ARHGAP24: variants seen among roughly 807,000 people sequenced by gnomAD.
ARHGAP24 encodes rho GTPase-activating protein 24.
ARHGAP24 carries 50 observed loss-of-function variants against 76.4 expected under a neutral mutation model. The observed-to-expected ratio is 0.65, with a 90% confidence interval of 0.52 to 0.83. ARHGAP24 has a LOEUF of 0.83. Among genes scored for constraint, ARHGAP24 ranks in the 40% least tolerant of loss-of-function variants. The pLI, the probability that ARHGAP24 is intolerant of heterozygous loss-of-function variation, is 0.00. For synonymous variants in ARHGAP24, 345 were observed against 323.3 expected, an observed-to-expected ratio of 1.07 and a Z score of -0.72; for missense variants, 930 against 914.2, an observed-to-expected ratio of 1.02 and a Z score of -0.22.
At chr4:85,586,526 TACATCTATCATTTGATAGAAA>T (rs1343104394) in intron 2 of ARHGAP24, among the ~76,000 whole-genome samples, 1 of 152,178 alleles carries the variant, frequency 6.6e-6, no homozygotes, top group Non-Finnish European at 1.5e-5. Flanking sequence ...TCTACGATGT[TACATCTATCATTTGATAGAAA>T]AGGAAGCTGA....
At chr4:85,960,079 T>C (rs1171523484) in intron 5 of ARHGAP24, among the ~76,000 whole-genome samples, 1 of 152,172 alleles carries the variant, frequency 6.6e-6, no homozygotes, top group Non-Finnish European at 1.5e-5. Flanking sequence ...CCAAAATCAA[T>C]CAAGTCCGCA....
At chr4:85,487,945 G>A (rs551757170) in intron 1 of ARHGAP24, among the ~76,000 whole-genome samples, 6 of 139,414 alleles carry the variant, frequency 4.3e-5, no homozygotes, top group Non-Finnish European at 7.5e-5. Context: ...TTGCTCTGTC[G>A]CCCGGGCTGT....
At chr4:85,952,830 C>T (rs1737697416) in intron 5 of ARHGAP24, among the ~76,000 whole-genome samples, 1 of 152,066 alleles carries the variant, frequency 6.6e-6, no homozygotes, top group Non-Finnish European at 1.5e-5. Context: ...AACAAACAAA[C>T]AAAAGAAAAC....
intron 4 of ARHGAP24, among the ~76,000 whole-genome samples, chr4:85,934,074 C>T (rs1037170483): frequency 3.3e-5 from 5 of 152,176 alleles, no homozygotes. Context: ...TCATCCTCAC[C>T]TCTGTGCACC....
intron 3 of ARHGAP24, among the ~76,000 whole-genome samples, chr4:85,763,761 T>C (rs1177605095): frequency 6.6e-6 from 1 of 152,166 alleles, no homozygotes; most frequent in Admixed American, 6.6e-5. Flanking sequence ...ATAATAATGA[T>C]GGAGTAACAG....
chr4:85,793,825 T>C (rs1426602827), intron 3 of ARHGAP24, among the ~76,000 whole-genome samples: 3 of 152,202 alleles, frequency 2.0e-5, no homozygotes. Flanking sequence ...CAGTGCCTTC[T>C]TTTTGATTAT....
chr4:85,493,625 T>C (rs1723445961), intron 1 of ARHGAP24, among the ~76,000 whole-genome samples: 1 of 152,214 alleles, frequency 6.6e-6, no homozygotes, highest in Non-Finnish European at 1.5e-5. Context: ...TTTTGAACAT[T>C]CTTCTTTTCT....
chr4:85,975,229 T>C (rs1357933106), intron 7 of ARHGAP24, among the ~76,000 whole-genome samples: 8 of 152,208 alleles, frequency 5.3e-5, no homozygotes, highest in African/African-American at 1.9e-4. Flanking sequence ...TTGTACTGTT[T>C]CAGAAGTGGT....
intron 3 of ARHGAP24, among the ~76,000 whole-genome samples, chr4:85,868,745 A>G (rs2110187865): frequency 6.6e-6 from 1 of 152,186 alleles, no homozygotes; most frequent in East Asian, 1.9e-4. Context: ...GGGTGTAGTT[A>G]TCTAAGAACT....
intron 3 of ARHGAP24, among the ~76,000 whole-genome samples, chr4:85,840,397 T>C (rs533619190): frequency 6.6e-6 from 1 of 152,290 alleles, no homozygotes; most frequent in South Asian, 2.1e-4. Flanking sequence ...ATAACAGCTA[T>C]GAAGAAGAGA....
chr4:85,755,367 C>T (rs1195852213), intron 3 of ARHGAP24, among the ~76,000 whole-genome samples: 1 of 151,880 alleles, frequency 6.6e-6, no homozygotes, highest in Admixed American at 6.6e-5. Flanking sequence ...GGTTAGACAC[C>T]AGAATTTAGA....
intron 3 of ARHGAP24, among the ~76,000 whole-genome samples, chr4:85,731,791 G>T (rs529077642): frequency 3.9e-5 from 6 of 152,068 alleles, no homozygotes; most frequent in Non-Finnish European, 8.8e-5. Flanking sequence ...TGAGATGGTG[G>T]ATATGCAAAT....
At chr4:85,728,220 TGATCC>T (rs1303557243) in intron 3 of ARHGAP24, among the ~76,000 whole-genome samples, 1 of 134,282 alleles carries the variant, frequency 7.4e-6, no homozygotes, top group Admixed American at 7.8e-5. Flanking sequence ...ATAAATGCAT[TGATCC>T]TTTTGCCAAA....
chr4:85,700,404 A>AT (rs1553923788), intron 2 of ARHGAP24, among the ~76,000 whole-genome samples: 23 of 86,388 alleles, frequency 2.7e-4, no homozygotes, highest in Admixed American at 3.3e-4. Context: ...TAAAAAAAAA[A>AT]AAATAAATAA....
At chr4:85,666,313 C>A (rs926152026) in intron 2 of ARHGAP24, among the ~76,000 whole-genome samples, 13 of 152,164 alleles carry the variant, frequency 8.5e-5, no homozygotes, top group African/African-American at 3.1e-4. Flanking sequence ...CGCATCGGCT[C>A]CTGAGGCTTC....
intron 3 of ARHGAP24, among the ~76,000 whole-genome samples, chr4:85,732,986 C>T (rs901584108): frequency 2.7e-5 from 4 of 150,168 alleles, no homozygotes; most frequent in Non-Finnish European, 5.9e-5. Context: ...GCGTGAGCCA[C>T]CGCGCCCGAC....
At chr4:85,932,494 G>A (rs1454655880) in intron 4 of ARHGAP24, among the ~76,000 whole-genome samples, 1 of 131,408 alleles carries the variant, frequency 7.6e-6, no homozygotes, top group African/African-American at 2.9e-5. Flanking sequence ...GAATCCTTGT[G>A]AACACACTGC....
chr4:85,489,476 C>T (rs1560506391), intron 1 of ARHGAP24, among the ~76,000 whole-genome samples: 1 of 152,152 alleles, frequency 6.6e-6, no homozygotes, highest in Non-Finnish European at 1.5e-5. Context: ...CTTGATGACT[C>T]AGAGGGACTC....
chr4:85,982,373 TTTTTG>T (rs6148555), intron 8 of ARHGAP24, among the ~76,000 whole-genome samples: 45 of 150,298 alleles, frequency 3.0e-4, no homozygotes, highest in African/African-American at 8.9e-4. Context: ...AGATAAGTTG[TTTTTG>T]TTTTGTTTTG....
Sources: gnomAD v4.1 joint callset for allele counts (sites outside exome capture counted in the v4.1 genomes callset) on GRCh38, gnomAD v4.1.1 for gene constraint, MANE v1.5 for transcripts, NCBI Gene and HGNC (gene_info 2026-07-23, HGNC 2026-07-21) for gene names.